Variants in KLHL2 observed in about 807,000 individuals in gnomAD.
The protein encoded by KLHL2 is kelch like family member 2.
Under a neutral mutation model 75.8 loss-of-function variants are expected in KLHL2, and 15 were observed. The ratio of observed to expected loss-of-function variants is 0.20; its 90% CI spans 0.13 to 0.30. The LOEUF (loss-of-function observed/expected upper bound fraction) is 0.30. Ranked by LOEUF, KLHL2 falls within the 10% of genes least tolerant of loss-of-function variation. KLHL2 has a pLI of 1.00. For missense variants in KLHL2, 381 were observed against 741.0 expected (o/e 0.51, Z 5.64); for synonymous variants, 214 against 251.9 (o/e 0.85, Z 1.42).
At chr4:165,214,408 C>T (rs976769117) in intron 1 of KLHL2, among the ~76,000 whole-genome samples, 16 of 152,034 alleles carry the variant, frequency 1.1e-4, no homozygotes, top group Non-Finnish European at 1.5e-4. Flanking sequence ...ATGCTTTTAC[C>T]GTGGTCCTTT....
intron 5 of KLHL2, among the ~76,000 whole-genome samples, chr4:165,277,635 T>A (rs1743230448): frequency 6.6e-6 from 1 of 152,160 alleles, no homozygotes; most frequent in African/African-American, 2.4e-5. Flanking sequence ...AAGATTCCAA[T>A]GGTGAGGATC....
At chr4:165,217,608 C>CTGA (rs1737638592) in intron 1 of KLHL2, among the ~76,000 whole-genome samples, 3 of 152,168 alleles carry the variant, frequency 2.0e-5, no homozygotes, top group African/African-American at 7.2e-5. Flanking sequence ...GGAAGTAGAA[C>CTGA]TGATGTGCAC....
chr4:165,318,815 CA>C (rs1295398396), intron 14 of KLHL2, among the ~76,000 whole-genome samples: 2 of 151,432 alleles, frequency 1.3e-5, no homozygotes, highest in Non-Finnish European at 2.9e-5. Flanking sequence ...AGATTGGTAA[CA>C]GTTTGAAAAA....
rs149965686 is a variant in KLHL2, at chr4:165,209,651, A to G, written c.26+1749A>G. On this transcript the variant is annotated intron_variant, in intron 1 of 14. Transcript: ENST00000226725. ...CATTTTTGGCATTGAGATTCCATCA[A>G]TAGTGCTGGAACAATGAGAGGCTGA... 6.5e-3 allele frequency among the ~76,000 whole-genome samples: 993 copies of G among 152,364 alleles called. 8 individuals carry two copies. Among genetic ancestry groups the G allele is most frequent in the Middle Eastern group, 0.037 (11 of 294 alleles).
intron 5 of KLHL2, chr4:165,279,619 C>T: frequency 6.2e-7 from 1 of 1,611,512 alleles, no homozygotes; most frequent in Non-Finnish European, 8.5e-7. Flanking sequence ...CCAATGGCCC[C>T]AAAACTGCCT....
intron 10 of KLHL2, 69 bp downstream of exon 10, chr4:165,310,819 T>C (rs915821987): frequency 1.6e-4 from 215 of 1,309,982 alleles, no homozygotes; most frequent in Non-Finnish European, 2.3e-4. Flanking sequence ...ATGGAATAAA[T>C]TGTGGCAACA....
At chr4:165,229,669 T>A (rs1048360277) in intron 3 of KLHL2, among the ~76,000 whole-genome samples, 2 of 152,214 alleles carry the variant, frequency 1.3e-5, no homozygotes, top group African/African-American at 4.8e-5. Context: ...GTGAACAGCT[T>A]CCTGCCCCAA....
chr4:165,209,986 C>A, intron 1 of KLHL2: 1 of 1,475,266 alleles, frequency 6.8e-7, no homozygotes, highest in African/African-American at 1.4e-5. Flanking sequence ...GACTTGCAGG[C>A]AGTGTCTTTA....
At chr4:165,229,196 C>G (rs547417211) in intron 3 of KLHL2, among the ~76,000 whole-genome samples, 1 of 152,012 alleles carries the variant, frequency 6.6e-6, no homozygotes, top group Admixed American at 6.6e-5. Flanking sequence ...CTTTTTGGCA[C>G]TTTATTATTT....
chr4:165,237,325 C>G (rs1476475272), intron 3 of KLHL2, among the ~76,000 whole-genome samples: 1 of 147,028 alleles, frequency 6.8e-6, no homozygotes, highest in Non-Finnish European at 1.5e-5. Context: ...TAGCACCAGA[C>G]ATACAACTCA....
intron 5 of KLHL2, chr4:165,279,481 C>T: frequency 6.3e-7 from 1 of 1,588,966 alleles, no homozygotes; most frequent in East Asian, 2.2e-5. Flanking sequence ...CCTTAGGGTC[C>T]TGTTCCACCC....
intron 3 of KLHL2, among the ~76,000 whole-genome samples, chr4:165,229,921 A>C (rs570770107): frequency 1.3e-5 from 2 of 152,240 alleles, no homozygotes; most frequent in Non-Finnish European, 2.9e-5. Flanking sequence ...TAGTGAGGAG[A>C]CCAGAGCCCC....
At chr4:165,221,256 A>C (rs1737964514) in intron 2 of KLHL2, among the ~76,000 whole-genome samples, 1 of 152,222 alleles carries the variant, frequency 6.6e-6, no homozygotes, top group African/African-American at 2.4e-5. Context: ...AATTTACTGT[A>C]ATGATAGTAA....
At chr4:165,287,150 G>A (rs914545480) in intron 5 of KLHL2, among the ~76,000 whole-genome samples, 13 of 151,978 alleles carry the variant, frequency 8.6e-5, no homozygotes, top group African/African-American at 2.7e-4. Context: ...TAAACAACTC[G>A]TCTTTTCTAC....
At chr4:165,278,190 G>A (rs937155784) in intron 5 of KLHL2, 21 of 1,292,624 alleles carry the variant, frequency 1.6e-5, no homozygotes, top group South Asian at 3.6e-5. Flanking sequence ...GGTTCAAACC[G>A]CTCCATCGTG....
At chr4:165,263,805 GTTTTTTTTTTT>G (rs55901119) in intron 5 of KLHL2, among the ~76,000 whole-genome samples, 8 of 66,482 alleles carry the variant, frequency 1.2e-4, no homozygotes, top group Admixed American at 4.6e-4. Flanking sequence ...TTTTTACATT[GTTTTTTTTTTT>G]TTTTTTTTTT....
intron 2 of KLHL2, among the ~76,000 whole-genome samples, chr4:165,228,078 A>G (rs961575622): frequency 6.6e-6 from 1 of 152,184 alleles, no homozygotes; most frequent in Non-Finnish European, 1.5e-5. Flanking sequence ...TTGTATTTTT[A>G]ATAGAGGCTG....
intron 5 of KLHL2, among the ~76,000 whole-genome samples, chr4:165,289,257 A>G (rs1280214915): frequency 6.6e-6 from 1 of 152,212 alleles, no homozygotes; most frequent in Admixed American, 6.5e-5. Context: ...ATGTTGCCAA[A>G]TAGTGCCCTC....
chr4:165,280,083 T>C (rs1403359215), intron 5 of KLHL2, among the ~76,000 whole-genome samples: 1 of 152,196 alleles, frequency 6.6e-6, no homozygotes, highest in Non-Finnish European at 1.5e-5. Context: ...CTTCTCATTC[T>C]CTTGTATTTC....
Sources: gnomAD v4.1 joint callset for allele counts (sites outside exome capture counted in the v4.1 genomes callset) on GRCh38, gnomAD v4.1.1 for gene constraint, MANE v1.5 for transcripts, NCBI Gene and HGNC (gene_info 2026-07-23, HGNC 2026-07-21) for gene names.